The following TYW1 variants were observed in gnomAD, a reference collection of about 807,000 sequenced individuals.
The protein encoded by TYW1 is S-adenosyl-L-methionine-dependent tRNA 4-demethylwyosine synthase TYW1.
TYW1 carries 46 observed loss-of-function variants against 96.2 expected under a neutral mutation model. That is an observed-to-expected ratio of 0.48 (90% CI 0.38 to 0.61). The LOEUF (loss-of-function observed/expected upper bound fraction) is 0.61, where lower values mean the gene tolerates loss of function less well. Ranked by LOEUF, TYW1 falls within the 20% of genes least tolerant of loss-of-function variation. The pLI is 0.00. For missense variants in TYW1, 684 were observed against 909.6 expected (o/e 0.75, Z 3.19); for synonymous variants, 274 against 323.0 (o/e 0.85, Z 1.63).
At chr7:67,158,200 T>G (rs2116202690) in intron 13 of TYW1, among the ~76,000 whole-genome samples, 1 of 150,592 alleles carries the variant, frequency 6.6e-6, no homozygotes, top group Admixed American at 6.7e-5. Context: ...GTGATTCTCC[T>G]GCCTCAGCCT....
chr7:67,210,919 A>ACCATCCATCCATCCAT (rs57804156), intron 15 of TYW1, among the ~76,000 whole-genome samples: 5 of 130,170 alleles, frequency 3.8e-5, no homozygotes, highest in East Asian at 2.2e-4. Context: ...CATCTATCCA[A>ACCATCCATCCATCCAT]CCATCCATCC....
At position 67,058,060 on chromosome 7, in the gene TYW1, G is replaced by A. The variant is rs149154805; in HGVS notation, c.1155+2173G>A. On this transcript the variant is annotated intron_variant, in intron 9 of 15. Transcript: ENST00000359626. ...CGCCATTCTCCTGCCTCAGCCTCCC[G>A]AGTAGCTGGGACTACAGGCACCCGC... Among the ~76,000 whole-genome samples the A allele has an allele frequency of 2.8e-4, 43 of 151,858 alleles. No homozygotes were observed. The East Asian group carries it at 6.4e-3, about 23-fold the overall frequency.
intron 13 of TYW1, among the ~76,000 whole-genome samples, chr7:67,179,870 T>A (rs1378646246): frequency 9.7e-5 from 8 of 82,886 alleles, no homozygotes; most frequent in Non-Finnish European, 1.5e-4. Flanking sequence ...TATATATTTT[T>A]TTTTTTTGGC....
At chr7:67,078,859 A>C (rs1162138432) in intron 10 of TYW1, among the ~76,000 whole-genome samples, 1 of 151,878 alleles carries the variant, frequency 6.6e-6, no homozygotes, top group Admixed American at 6.6e-5. Context: ...CGCCTGGCTA[A>C]CTTTTTGTAT....
At chr7:67,158,927 C>T (rs1799071734) in intron 13 of TYW1, among the ~76,000 whole-genome samples, 1 of 152,150 alleles carries the variant, frequency 6.6e-6, no homozygotes, top group South Asian at 2.1e-4. Flanking sequence ...CTTGATTAGC[C>T]TGGCTAGAAG....
At chr7:67,184,451 G>A (rs1799936901) in intron 14 of TYW1, among the ~76,000 whole-genome samples, 1 of 151,934 alleles carries the variant, frequency 6.6e-6, no homozygotes, top group Non-Finnish European at 1.5e-5. Flanking sequence ...GTCACATAAT[G>A]TCTGCTTGCC....
chr7:67,212,404 A>G (rs1177432301), intron 15 of TYW1, among the ~76,000 whole-genome samples: 1 of 152,082 alleles, frequency 6.6e-6, no homozygotes, highest in Non-Finnish European at 1.5e-5. Context: ...CACCTATTGA[A>G]GGACATCTTG....
At chr7:67,158,280 G>C (rs1403449462) in intron 13 of TYW1, among the ~76,000 whole-genome samples, 1 of 151,822 alleles carries the variant, frequency 6.6e-6, no homozygotes, top group South Asian at 2.1e-4. Flanking sequence ...ATAGAGACAG[G>C]GTTCAGCTGT....
chr7:67,074,631 A>G (rs1239224159), intron 10 of TYW1, among the ~76,000 whole-genome samples: 2 of 152,254 alleles, frequency 1.3e-5, no homozygotes, highest in African/African-American at 4.8e-5. Context: ...TGAAATATAT[A>G]ACAAGAATGT....
At chr7:67,236,243 C>T (rs1415566986) in intron 15 of TYW1, among the ~76,000 whole-genome samples, 1 of 152,208 alleles carries the variant, frequency 6.6e-6, no homozygotes, top group Non-Finnish European at 1.5e-5. Flanking sequence ...CCAAGAGATG[C>T]AGATTTGATA....
chr7:67,175,074 T>C (rs921830574), intron 13 of TYW1, among the ~76,000 whole-genome samples: 14 of 152,160 alleles, frequency 9.2e-5, no homozygotes, highest in African/African-American at 3.1e-4. Flanking sequence ...ATACCAATTC[T>C]TGATGATACC....
At chr7:67,150,461 C>T (rs1024067100) in intron 13 of TYW1, among the ~76,000 whole-genome samples, 1 of 152,162 alleles carries the variant, frequency 6.6e-6, no homozygotes, top group Non-Finnish European at 1.5e-5. Context: ...TATCCTACAA[C>T]ATCTGTGTGA....
chr7:67,212,851 A>G (rs1027031916), intron 15 of TYW1, among the ~76,000 whole-genome samples: 9 of 151,840 alleles, frequency 5.9e-5, no homozygotes, highest in African/African-American at 1.9e-4. Context: ...CCATTTTTTA[A>G]TTAGGTTGGT....
At chr7:67,177,241 G>A (rs1799701759) in intron 13 of TYW1, among the ~76,000 whole-genome samples, 1 of 151,716 alleles carries the variant, frequency 6.6e-6, no homozygotes, top group East Asian at 1.9e-4. Context: ...ACAAATGTGA[G>A]TGGCAATATG....
At chr7:67,045,236 G>A (rs1795150481) in intron 7 of TYW1, among the ~76,000 whole-genome samples, 3 of 151,654 alleles carry the variant, frequency 2.0e-5, no homozygotes, top group Admixed American at 1.3e-4. Context: ...TTAGAGACAG[G>A]GTCTTGCTTT....
chr7:67,120,811 G>T (rs897669188), intron 13 of TYW1, among the ~76,000 whole-genome samples: 10 of 152,192 alleles, frequency 6.6e-5, no homozygotes, highest in Admixed American at 5.9e-4. Flanking sequence ...TTTGGGTGAT[G>T]AATTCAATTG....
At chr7:67,001,642 G>A (rs1182627388) in intron 3 of TYW1, among the ~76,000 whole-genome samples, 20 of 151,584 alleles carry the variant, frequency 1.3e-4, no homozygotes, top group Admixed American at 1.3e-3. Context: ...GACTGTTCTC[G>A]AACTCCTGAC....
At chr7:67,197,394 C>T (rs1160666153) in intron 15 of TYW1, among the ~76,000 whole-genome samples, 3 of 151,096 alleles carry the variant, frequency 2.0e-5, no homozygotes, top group Admixed American at 6.6e-5. Flanking sequence ...GATGCAACCT[C>T]GGCTCACTGC....
intron 10 of TYW1, among the ~76,000 whole-genome samples, chr7:67,079,169 GAGGTGTGTGT>G (rs986341395): frequency 4.5e-5 from 5 of 110,070 alleles, no homozygotes; most frequent in African/African-American, 1.6e-4. Context: ...ATTCGTGTGA[GAGGTGTGTGT>G]GTGTGTGTGT....
Sources: gnomAD v4.1 joint callset for allele counts (sites outside exome capture counted in the v4.1 genomes callset) on GRCh38, gnomAD v4.1.1 for gene constraint, MANE v1.5 for transcripts, NCBI Gene and HGNC (gene_info 2026-07-23, HGNC 2026-07-21) for gene names.